DPP6: variants seen among roughly 807,000 people sequenced by gnomAD.
The protein encoded by DPP6 is A-type potassium channel modulatory protein DPP6.
A neutral mutation model predicts 122.6 loss-of-function variants in DPP6; 69 were observed. That is an observed-to-expected ratio of 0.56 (90% CI 0.46 to 0.69). The LOEUF is 0.69. Ranked by LOEUF, DPP6 falls within the 30% of genes least tolerant of loss-of-function variation. The pLI, the probability that DPP6 is intolerant of heterozygous loss-of-function variation, is 0.00. For missense variants in DPP6, 928 were observed against 1,116.9 expected (o/e 0.83, Z 2.41); for synonymous variants, 418 against 433.1 (o/e 0.97, Z 0.43).
At chr7:154,216,482 G>A (rs1207117161) in intron 1 of DPP6, among the ~76,000 whole-genome samples, 1 of 152,208 alleles carries the variant, frequency 6.6e-6, no homozygotes, top group Non-Finnish European at 1.5e-5. Flanking sequence ...CCAAGGACTA[G>A]GGCAGGGCCT....
At chr7:153,853,027 C>G in the DPP6 span, among the ~76,000 whole-genome samples, 1 of 152,154 alleles carries the variant, frequency 6.6e-6, no homozygotes, top group Non-Finnish European at 1.5e-5. Context: ...ACACAATGCC[C>G]CATCTCTCTG....
At chr7:154,797,657 G>A (rs1384776924) in intron 12 of DPP6, among the ~76,000 whole-genome samples, 1 of 152,168 alleles carries the variant, frequency 6.6e-6, no homozygotes, top group Non-Finnish European at 1.5e-5. Context: ...GAGAGGAACA[G>A]CTTAATGAAC....
chr7:154,603,444 A>T (rs930126182), intron 5 of DPP6, among the ~76,000 whole-genome samples: 2 of 117,214 alleles, frequency 1.7e-5, no homozygotes, highest in African/African-American at 5.4e-5. Context: ...AAGTGGGCAG[A>T]TCACCTGAGG....
chr7:154,453,633 A>T (rs1324260582), intron 2 of DPP6, among the ~76,000 whole-genome samples: 1 of 151,922 alleles, frequency 6.6e-6, no homozygotes, highest in Non-Finnish European at 1.5e-5. Context: ...TTGATTCTGT[A>T]ATCAGCATCC....
At chr7:153,935,267 A>C (rs551896293) in intron 1 of DPP6, among the ~76,000 whole-genome samples, 4 of 151,306 alleles carry the variant, frequency 2.6e-5, no homozygotes, top group African/African-American at 9.7e-5. Flanking sequence ...CGTGCCCGGT[A>C]GGAGGGGGAG....
At chr7:154,469,006 C>T (rs1822025792) in intron 2 of DPP6, among the ~76,000 whole-genome samples, 2 of 152,142 alleles carry the variant, frequency 1.3e-5, no homozygotes, top group Non-Finnish European at 1.5e-5. Context: ...AAAACAAATG[C>T]TCTCTTCATT....
At chr7:153,807,421 A>G in the DPP6 span, among the ~76,000 whole-genome samples, 1 of 150,160 alleles carries the variant, frequency 6.7e-6, no homozygotes, top group South Asian at 2.1e-4. Flanking sequence ...ACAAACAAAC[A>G]AACAAACAAA....
chr7:154,289,418 C>A (rs1398053331), intron 1 of DPP6, among the ~76,000 whole-genome samples: 1 of 152,088 alleles, frequency 6.6e-6, no homozygotes, highest in Non-Finnish European at 1.5e-5. Flanking sequence ...CTTGTGAGGC[C>A]CCAGCAACAT....
intron 1 of DPP6, among the ~76,000 whole-genome samples, chr7:154,313,179 A>G (rs1807056263): frequency 6.6e-6 from 1 of 152,174 alleles, no homozygotes; most frequent in Non-Finnish European, 1.5e-5. Flanking sequence ...TTATTTTGAT[A>G]AACAGTAATG....
chr7:154,360,076 C>T (rs1811602980), intron 1 of DPP6, among the ~76,000 whole-genome samples: 1 of 152,192 alleles, frequency 6.6e-6, no homozygotes, highest in Non-Finnish European at 1.5e-5. Context: ...GCTCATTTTA[C>T]TATGCCAGTA....
At chr7:154,679,642 G>A (rs1839161388) in intron 7 of DPP6, among the ~76,000 whole-genome samples, 1 of 152,228 alleles carries the variant, frequency 6.6e-6, no homozygotes, top group African/African-American at 2.4e-5. Flanking sequence ...TCCAGCAAGA[G>A]GAGAGTCTTT....
chr7:154,358,240 G>C (rs546053620), intron 1 of DPP6, among the ~76,000 whole-genome samples: 20 of 152,272 alleles, frequency 1.3e-4, no homozygotes, highest in Admixed American at 4.6e-4. Flanking sequence ...TGCAGCCTAG[G>C]TCAGTGTAAG....
chr7:154,702,433 T>C (rs1303747465), intron 7 of DPP6, among the ~76,000 whole-genome samples: 7 of 152,244 alleles, frequency 4.6e-5, no homozygotes, highest in Non-Finnish European at 7.3e-5. Context: ...AGCCAAATTG[T>C]GAAGGCAAAG....
the DPP6 span, among the ~76,000 whole-genome samples, chr7:153,877,966 G>A: frequency 8.2e-3 from 1,244 of 152,182 alleles, 5 homozygotes; most frequent in Non-Finnish European, 0.013. Context: ...ACATTAACAC[G>A]CACGTCACAA....
Position 154,821,651 on chromosome 7 carries a change from T to TATATATATACACATATATATATATACAC in DPP6, c.1666+14548_1666+14549insCACATATATATATATACACATATATATA, listed in dbSNP as rs1799781849. ...CTGTATATATATATATATATACACA[T>TATATATATACACATATATATATATACAC]ATATATATATATACACATATATATA... On this transcript the variant is annotated intron_variant, in intron 16 of 25. Transcript: ENST00000377770. The surrounding 1 kb of genome is among the most constrained non-coding windows in gnomAD (Gnocchi z 4.2). Among the ~76,000 whole-genome samples, 1 of 8,524 alleles carries TATATATATACACATATATATATATACAC rather than the reference T, an allele frequency of 1.2e-4. No individual in the cohort carries two copies. Among genetic ancestry groups the TATATATATACACATATATATATATACAC allele is most frequent in the East Asian group, 2.3e-3 (1 of 430 alleles). The allele number at this position is 8,524 out of a possible 152,430, so 5.6% of individuals were successfully genotyped here. A position where few individuals can be genotyped will look rare whatever the true frequency, so the allele number is the denominator to read the frequency against.
chr7:153,817,348 G>A, the DPP6 span, among the ~76,000 whole-genome samples: 1 of 142,020 alleles, frequency 7.0e-6, no homozygotes. Context: ...ACTTTCAAAA[G>A]TAGTCATTTT....
chr7:153,885,683 A>G (rs1254463357), upstream of DPP6, among the ~76,000 whole-genome samples: 2 of 152,178 alleles, frequency 1.3e-5, no homozygotes, highest in African/African-American at 4.8e-5. Context: ...CCAACAGAGA[A>G]GAGTGCTTCT....
chr7:154,407,993 G>T (rs191462648), intron 1 of DPP6, among the ~76,000 whole-genome samples: 12 of 152,310 alleles, frequency 7.9e-5, no homozygotes, highest in Non-Finnish European at 1.3e-4. Context: ...TTGTTATCAT[G>T]AGTTAATAAA....
chr7:153,928,396 A>ATGTTTTTTT lies in DPP6; in HGVS notation c.51+40663_51+40664insGTTTTTTTT, dbSNP rs1275067491. Among the ~76,000 whole-genome samples, 3 of 43,672 alleles carry ATGTTTTTTT rather than the reference A, an allele frequency of 6.9e-5. 1 individual carries two copies. The highest frequency in any genetic ancestry group is 2.4e-4 in the African/African-American group (3 of 12,620). The allele number at this position is 43,672 out of a possible 152,430, so 28.7% of individuals were successfully genotyped here. On this transcript the variant is annotated intron_variant, in intron 1 of 25. Transcript: ENST00000404039. ...CTGGCTAATTTTTTTCTTTTCTTTC[A>ATGTTTTTTT]TTTTTTTTTTTTTTTTTTTTTTTTT...
Sources: gnomAD v4.1 joint callset for allele counts (sites outside exome capture counted in the v4.1 genomes callset) on GRCh38, gnomAD v4.1.1 for gene constraint, Gnocchi (gnomAD v3.1) non-coding constraint, MANE v1.5 for transcripts, NCBI Gene and HGNC (gene_info 2026-07-23, HGNC 2026-07-21) for gene names.